Variants in CKLF observed in about 807,000 individuals in gnomAD.
CKLF encodes chemokine like factor, also known as chemokine-like factor.
CKLF carries 16 observed loss-of-function variants against 12.9 expected under a neutral mutation model. That is an observed-to-expected ratio of 1.24 (90% confidence interval 0.84 to 1.88). The LOEUF is 1.88. Among genes scored for constraint, CKLF ranks in the 40% most tolerant of loss-of-function variants. The probability of loss-of-function intolerance (pLI) is 0.00; values close to 1 mark genes in which losing one functional copy is unlikely to be tolerated. For missense variants in CKLF, 172 were observed against 188.5 expected (o/e 0.91, Z 0.51); for synonymous variants, 61 against 69.0 (o/e 0.88, Z 0.57).
intron 3 of CKLF, 96 bp downstream of exon 3, chr16:66,563,313 C>A: frequency 1.4e-6 from 2 of 1,428,816 alleles, no homozygotes; most frequent in South Asian, 1.3e-5. Context: ...ATACTATATT[C>A]ATCCTTGAGA....
At chr16:66,560,886 C>A (rs1461358669) in intron 2 of CKLF, among the ~76,000 whole-genome samples, 1 of 151,988 alleles carries the variant, frequency 6.6e-6, no homozygotes, top group Non-Finnish European at 1.5e-5. Flanking sequence ...AGGAGTTTGC[C>A]TCCAGTGGGC....
chr16:66,562,342 C>T (rs1344085323), intron 2 of CKLF, among the ~76,000 whole-genome samples: 1 of 152,174 alleles, frequency 6.6e-6, no homozygotes, highest in East Asian at 1.9e-4. Flanking sequence ...ACATGCACCA[C>T]AGCGCCCAGC....
chr16:66,563,170 G>A lies in CKLF; in HGVS notation c.286G>A (p.Val96Met), dbSNP rs936974405. ...AACAGTATTCATGCTCATCGTATCT[G>A]TGTTGGCACTGATACCAGAAACCAC... ...VTTVFMLIVS[V>M]LALIPETTTL... Residue 96 changes from valine to methionine, a missense_variant, in exon 3 of 4, where the codon GTG becomes ATG. Physicochemically the swap from Val to Met is conservative, Grantham distance 21. Transcript: ENST00000264001. The A allele has an allele frequency of 7.4e-6, 12 of 1,614,010 alleles. No homozygotes were observed. In the Admixed American group the frequency reaches 1.7e-4, roughly 22 times the overall value.
At chr16:66,558,120 A>G in intron 1 of CKLF, 70 bp from the exon 2 acceptor site, 1 of 1,582,134 alleles carries the variant, frequency 6.3e-7, no homozygotes, top group Non-Finnish European at 8.5e-7. Flanking sequence ...TTATTTTAGA[A>G]ATTGTCATTT....
At chr16:66,565,013 T>G (rs2012105383) in intron 3 of CKLF, among the ~76,000 whole-genome samples, 1 of 151,574 alleles carries the variant, frequency 6.6e-6, no homozygotes, top group Admixed American at 6.5e-5. Context: ...AATTGCTGTT[T>G]GCTGAGAATA....
In CKLF at chr16:66,563,149, G is replaced by A. The variant is rs184591872; in HGVS notation, c.265G>A (p.Val89Ile). ...LDIINSLVTT[V>I]FMLIVSVLAL... is the part of the protein sequence containing the mutation. The stretch of plus-strand genomic sequence containing the variant: ...TATTATCAACTCACTGGTAACAACA[G>A]TATTCATGCTCATCGTATCTGTGTT... Residue 89 changes from valine (V) to isoleucine (I), a missense_variant, in exon 3 of 4, where the codon GTA becomes ATA. By Grantham distance (29) the Val-to-Ile change is conservative. Coordinates refer to ENST00000264001, the MANE Select transcript of CKLF (RefSeq NM_016951.4). 6.2e-7 allele frequency: 1 copy of A among 1,614,108 alleles called. No homozygotes were observed. The highest frequency in any genetic ancestry group is 1.3e-5 in the African/African-American group (1 of 75,012).
chr16:66,552,571 A>G, upstream of CKLF: 1 of 1,323,112 alleles, frequency 7.6e-7, no homozygotes, highest in Non-Finnish European at 1.1e-6. Flanking sequence ...GCATGCGCGC[A>G]AGAGAGCGGG....
chr16:66,557,237 A>G (rs1397641708), intron 1 of CKLF, among the ~76,000 whole-genome samples: 2 of 152,128 alleles, frequency 1.3e-5, no homozygotes, highest in African/African-American at 4.8e-5. Context: ...GTGGCATCTC[A>G]GCTCACTGCA....
At chr16:66,552,897 C>T in intron 1 of CKLF, 104 bp downstream of exon 1, 1 of 1,542,720 alleles carries the variant, frequency 6.5e-7, no homozygotes, top group Non-Finnish European at 8.9e-7. Flanking sequence ...TTCAACCTCG[C>T]TTTGATCAAG....
rs899762860 is a variant in CKLF at position 66,558,535 on chromosome 16, C to T, written c.237+187C>T. The T allele has an allele frequency of 4.3e-6, 3 of 698,286 alleles. 1 individual carries two copies. The South Asian group carries it at 6.7e-5, about 16-fold the overall frequency. 43.3% of individuals were successfully genotyped at this position (698,286 alleles called of 1,614,324 possible). ...AGAGGGTCTCAAGGATGCAGGGCAGCCACAGAGCATAAGTTCTCTGCACCA... is the reference window on the plus strand; with the variant it reads ...AGAGGGTCTCAAGGATGCAGGGCAGTCACAGAGCATAAGTTCTCTGCACCA... On this transcript the variant is annotated intron_variant, in intron 2 of 3. Coordinates refer to ENST00000264001, the MANE Select transcript of CKLF (RefSeq NM_016951.4).
chr16:66,561,642 G>A (rs2011728748), intron 2 of CKLF, among the ~76,000 whole-genome samples: 2 of 152,214 alleles, frequency 1.3e-5, no homozygotes, highest in Admixed American at 1.3e-4. Flanking sequence ...CAACACAGAA[G>A]AGAGTTAACC....
In CKLF at chr16:66,558,513, G is replaced by A. The variant is rs1008681106; in HGVS notation, c.237+165G>A. 7.1e-5 allele frequency: 67 copies of A among 949,150 alleles called. 1 individual carries two copies. In the East Asian group the frequency reaches 1.8e-3, roughly 26 times the overall value. The allele number at this position is 949,150 out of a possible 1,614,324, so 58.8% of individuals were successfully genotyped here. ...ATGTGCCCTGTATTGCTTTGGGAGA[G>A]GGTCTCAAGGATGCAGGGCAGCCAC... On this transcript the variant is annotated intron_variant, in intron 2 of 3. Coordinates refer to ENST00000264001, the MANE Select transcript of CKLF (RefSeq NM_016951.4).
intron 3 of CKLF, among the ~76,000 whole-genome samples, chr16:66,564,392 T>C (rs1332247910): frequency 6.6e-6 from 1 of 152,190 alleles, no homozygotes; most frequent in Admixed American, 6.5e-5. Flanking sequence ...TGTTAATAAC[T>C]TTGTTGATTA....
At chr16:66,554,712 G>A (rs2011348292) in intron 1 of CKLF, among the ~76,000 whole-genome samples, 1 of 152,202 alleles carries the variant, frequency 6.6e-6, no homozygotes, top group Non-Finnish European at 1.5e-5. Flanking sequence ...AGAATTCTAG[G>A]CTTTGTTGAG....
intron 3 of CKLF, among the ~76,000 whole-genome samples, chr16:66,564,285 G>C (rs888446005): frequency 2.0e-5 from 3 of 152,104 alleles, no homozygotes; most frequent in Non-Finnish European, 2.9e-5. Context: ...CTGAGCACTG[G>C]AAATGTGGCT....
At chr16:66,556,269 G>A (rs2144525143) in intron 1 of CKLF, among the ~76,000 whole-genome samples, 1 of 152,226 alleles carries the variant, frequency 6.6e-6, no homozygotes, top group Middle Eastern at 3.4e-3. Context: ...GGTCCACTAG[G>A]ATAAGGAATG....
rs1183583333 is a variant in CKLF at position 66,563,214 on chromosome 16, AG to A, written c.333+1del. The A allele has an allele frequency of 2.5e-6, 4 of 1,613,748 alleles. No homozygotes were observed. Among genetic ancestry groups the A allele is most frequent in the Non-Finnish European group, 3.4e-6 (4 of 1,179,936 alleles). ...AAACCACAACATTGACAGTTGGTGG[AG>A]GGGTAAGTGGAAGTCTTTCTGCTTG... ...PETTTLTVGG[G>X]VFALVTAVCC... On this transcript the variant is annotated frameshift_variant and splice_region_variant, in exon 3 of 4. Transcript: ENST00000264001. LOFTEE classifies it low-confidence loss of function (END_TRUNC).
At chr16:66,561,714 T>C (rs1205048589) in intron 2 of CKLF, among the ~76,000 whole-genome samples, 1 of 152,190 alleles carries the variant, frequency 6.6e-6, no homozygotes, top group African/African-American at 2.4e-5. Context: ...GTATATCTGA[T>C]CTTGCCCTAC....
intron 1 of CKLF, among the ~76,000 whole-genome samples, chr16:66,557,497 G>T (rs1330177444): frequency 6.6e-6 from 1 of 151,848 alleles, no homozygotes; most frequent in East Asian, 1.9e-4. Context: ...TTGCTCCTCA[G>T]TATTTTTCAT....
Sources: allele counts gnomAD v4.1 joint callset (sites outside exome capture counted in the v4.1 genomes callset), GRCh38; gene constraint gnomAD v4.1.1; transcripts MANE v1.5; gene names NCBI Gene and HGNC (gene_info 2026-07-23, HGNC 2026-07-21).